Variants in PHKB observed in about 807,000 individuals in gnomAD.
PHKB encodes the protein phosphorylase b kinase regulatory subunit beta.
In PHKB, 122 loss-of-function variants were observed where a neutral mutation model predicts 152.1. That is an observed-to-expected ratio of 0.80 (90% CI 0.69 to 0.93). The LOEUF is 0.93. Among genes scored for constraint, PHKB ranks in the 40% least tolerant of loss-of-function variants. The probability of loss-of-function intolerance (pLI) is 0.00; values close to 1 mark genes in which losing one functional copy is unlikely to be tolerated. For synonymous variants in PHKB, 436 were observed against 464.9 expected, an observed-to-expected ratio of 0.94 and a Z score of 0.80; for missense variants, 1,304 against 1,328.4, an observed-to-expected ratio of 0.98 and a Z score of 0.29.
chr16:47,641,400 C>T (rs1973019342), intron 15 of PHKB, among the ~76,000 whole-genome samples, 199 bp from the exon 16 acceptor site: 1 of 152,150 alleles, frequency 6.6e-6, no homozygotes. Context: ...TCCCTGTCAG[C>T]CCCTAATGTT....
At chr16:47,614,324 A>C (rs1156880518) in intron 14 of PHKB, among the ~76,000 whole-genome samples, 1 of 152,210 alleles carries the variant, frequency 6.6e-6, no homozygotes, top group Admixed American at 6.5e-5. Flanking sequence ...TTACAACTAG[A>C]CATGAAATTT....
chr16:47,508,096 C>T (rs1229955713), intron 4 of PHKB, among the ~76,000 whole-genome samples: 1 of 152,160 alleles, frequency 6.6e-6, no homozygotes, highest in East Asian at 1.9e-4. Flanking sequence ...CATCATAAAA[C>T]ATGCTTCCTG....
At chr16:47,586,192 T>C (rs954325502) in intron 8 of PHKB, among the ~76,000 whole-genome samples, 4 of 152,240 alleles carry the variant, frequency 2.6e-5, no homozygotes, top group African/African-American at 9.6e-5. Flanking sequence ...TCATGTGTTG[T>C]GGTATGCTGC....
intron 7 of PHKB, among the ~76,000 whole-genome samples, chr16:47,569,265 A>G (rs1437168476): frequency 6.6e-6 from 1 of 152,220 alleles, no homozygotes; most frequent in Non-Finnish European, 1.5e-5. Flanking sequence ...GTTATAATAT[A>G]ATGACTTTCT....
chr16:47,546,543 A>C (rs879383593), intron 6 of PHKB, among the ~76,000 whole-genome samples: 10 of 152,186 alleles, frequency 6.6e-5, no homozygotes, highest in African/African-American at 2.4e-4. Context: ...CGTGTCTCCA[A>C]GTTAGGCTAC....
intron 1 of PHKB, among the ~76,000 whole-genome samples, chr16:47,474,826 G>A (rs1354390751): frequency 6.6e-6 from 1 of 151,834 alleles, no homozygotes; most frequent in Admixed American, 6.6e-5. Context: ...CCAGGTTCAA[G>A]CGATTCTCCT....
chr16:47,597,884 C>T (rs1374667754), intron 13 of PHKB: 1 of 151,584 alleles, frequency 6.6e-6, no homozygotes. Flanking sequence ...ACAAATGCAA[C>T]AAAAGGAAAA....
At chr16:47,532,839 C>T (rs984946484) in intron 6 of PHKB, among the ~76,000 whole-genome samples, 1 of 152,254 alleles carries the variant, frequency 6.6e-6, no homozygotes, top group Non-Finnish European at 1.5e-5. Context: ...GCTCTTTTAG[C>T]CCCACCATTT....
At chr16:47,497,537 T>G in intron 2 of PHKB, 49 bp downstream of exon 2, 1 of 1,051,386 alleles carries the variant, frequency 9.5e-7, no homozygotes, top group South Asian at 1.3e-5. Flanking sequence ...GCGATTAGTA[T>G]TCCCCTTGCC....
intron 13 of PHKB, among the ~76,000 whole-genome samples, chr16:47,597,258 A>G (rs1321471403): frequency 6.6e-6 from 1 of 152,186 alleles, no homozygotes; most frequent in African/African-American, 2.4e-5. Context: ...ATAACTGCCT[A>G]CTGTATAAAA....
chr16:47,544,781 G>T (rs1034607468), intron 6 of PHKB, among the ~76,000 whole-genome samples: 1 of 152,126 alleles, frequency 6.6e-6, no homozygotes, highest in East Asian at 1.9e-4. Flanking sequence ...CCTGTATTGG[G>T]TGCACATATC....
chr16:47,615,702 T>A (rs1452738655), intron 14 of PHKB, among the ~76,000 whole-genome samples: 1 of 152,266 alleles, frequency 6.6e-6, no homozygotes, highest in East Asian at 1.9e-4. Context: ...TCTTTCCAGC[T>A]TTCAGAATCC....
At chr16:47,678,255 C>T (rs1973774075) in intron 26 of PHKB, among the ~76,000 whole-genome samples, 1 of 152,062 alleles carries the variant, frequency 6.6e-6, no homozygotes, top group African/African-American at 2.4e-5. Flanking sequence ...TTTATAGCAG[C>T]ATGATTTATA....
At chr16:47,616,548 AAAACATATGTT>A (rs1972519619) in intron 14 of PHKB, among the ~76,000 whole-genome samples, 1 of 146,044 alleles carries the variant, frequency 6.8e-6, no homozygotes, top group Non-Finnish European at 1.5e-5. Flanking sequence ...ATATAAATAT[AAAACATATGTT>A]AATATATATT....
intron 14 of PHKB, among the ~76,000 whole-genome samples, chr16:47,636,961 C>T (rs1293980738): frequency 6.6e-6 from 1 of 152,172 alleles, no homozygotes; most frequent in African/African-American, 2.4e-5. Flanking sequence ...ATGGACCGAT[C>T]AGCATGCGCT....
At chr16:47,474,828 G>A (rs551265412) in intron 1 of PHKB, among the ~76,000 whole-genome samples, 4 of 151,958 alleles carry the variant, frequency 2.6e-5, no homozygotes, top group African/African-American at 9.7e-5. Context: ...AGGTTCAAGC[G>A]ATTCTCCTGC....
chr16:47,587,912 C>T (rs997420550), intron 9 of PHKB, 149 bp downstream of exon 9: 4 of 699,558 alleles, frequency 5.7e-6, no homozygotes, highest in African/African-American at 5.3e-5. Context: ...CCTTACTCCT[C>T]TGGCCTGGGG....
chr16:47,625,276 C>T (rs997003470), intron 14 of PHKB, among the ~76,000 whole-genome samples: 6 of 152,152 alleles, frequency 3.9e-5, no homozygotes, highest in African/African-American at 1.4e-4. Context: ...AGGGCCTGGC[C>T]CATATAAGTA....
At chr16:47,472,491 A>G (rs540106971) in intron 1 of PHKB, among the ~76,000 whole-genome samples, 4 of 152,316 alleles carry the variant, frequency 2.6e-5, no homozygotes, top group Middle Eastern at 6.8e-3. Flanking sequence ...TACAAAAAAT[A>G]CAAAAATTAG....
Sources: allele counts gnomAD v4.1 joint callset (sites outside exome capture counted in the v4.1 genomes callset), GRCh38; gene constraint gnomAD v4.1.1; transcripts MANE v1.5; gene names NCBI Gene and HGNC (gene_info 2026-07-23, HGNC 2026-07-21).